Variants in CADM2 observed in about 807,000 individuals in gnomAD.
CADM2 encodes the protein immunoglobulin superfamily member 4D.
In CADM2, 12 loss-of-function variants were observed where a neutral mutation model predicts 49.8. That is an observed-to-expected ratio of 0.24 (90% confidence interval 0.15 to 0.39). The LOEUF (loss-of-function observed/expected upper bound fraction) is 0.39, where lower values mean the gene tolerates loss of function less well. Ranked by LOEUF, CADM2 falls within the 10% of genes least tolerant of loss-of-function variation. CADM2 has a pLI of 1.00. For missense variants in CADM2, 378 were observed against 492.3 expected (o/e 0.77, Z 2.20); for synonymous variants, 214 against 175.4 (o/e 1.22, Z -1.74).
intron 2 of CADM2, among the ~76,000 whole-genome samples, chr3:85,785,828 A>C (rs2070950246): frequency 6.6e-6 from 1 of 151,638 alleles, no homozygotes; most frequent in African/African-American, 2.4e-5. Flanking sequence ...GTACAACTAA[A>C]TCTAATCAAT....
intron 1 of CADM2, among the ~76,000 whole-genome samples, chr3:85,463,811 T>G (rs746677651): frequency 4.6e-5 from 7 of 152,178 alleles, no homozygotes; most frequent in African/African-American, 1.7e-4. Context: ...CAAGGCTCTA[T>G]GCTACTAGAC....
intron 2 of CADM2, among the ~76,000 whole-genome samples, chr3:85,747,071 A>T (rs1163578805): frequency 6.6e-6 from 1 of 152,144 alleles, no homozygotes; most frequent in Admixed American, 6.6e-5. Context: ...TAAGAAAAAT[A>T]TGTAATAATA....
chr3:86,034,080 A>T (rs1455186836), intron 8 of CADM2, among the ~76,000 whole-genome samples: 1 of 151,790 alleles, frequency 6.6e-6, no homozygotes, highest in Non-Finnish European at 1.5e-5. Flanking sequence ...GTTTACAGAG[A>T]TTAAAAATAA....
chr3:86,045,650 T>A (rs1046129835), intron 8 of CADM2, among the ~76,000 whole-genome samples: 6 of 152,162 alleles, frequency 3.9e-5, no homozygotes, highest in Non-Finnish European at 5.9e-5. Flanking sequence ...CTTTCTTTTT[T>A]GATATGTCTA....
intron 1 of CADM2, among the ~76,000 whole-genome samples, chr3:85,521,285 C>G (rs1254109428): frequency 6.6e-6 from 1 of 152,064 alleles, no homozygotes; most frequent in African/African-American, 2.4e-5. Context: ...TTAGGCAAAT[C>G]CATTATATAA....
chr3:85,673,551 C>A (rs1209328397), intron 1 of CADM2, among the ~76,000 whole-genome samples: 1 of 149,446 alleles, frequency 6.7e-6, no homozygotes, highest in African/African-American at 2.5e-5. Flanking sequence ...AGGGGAAGTA[C>A]CTAAAAAAAC....
intron 1 of CADM2, among the ~76,000 whole-genome samples, chr3:85,404,217 C>T (rs2035261902): frequency 6.6e-6 from 1 of 152,032 alleles, no homozygotes; most frequent in Non-Finnish European, 1.5e-5. Flanking sequence ...CAATGCAGAC[C>T]ATCATCCCAC....
At chr3:85,045,323 T>G (rs997929103) in intron 1 of CADM2, among the ~76,000 whole-genome samples, 1 of 152,114 alleles carries the variant, frequency 6.6e-6, no homozygotes, top group African/African-American at 2.4e-5. Context: ...AAAATACAAA[T>G]TTAACAGTAG....
intron 1 of CADM2, among the ~76,000 whole-genome samples, chr3:85,147,275 C>CAAAAAAAAAAAAAAAAAAA (rs759888985): frequency 2.2e-5 from 1 of 46,000 alleles, no homozygotes; most frequent in African/African-American, 5.0e-5. Context: ...GACTCTGTCT[C>CAAAAAAAAAAAAAAAAAAA]AAAAAAAAAA....
At chr3:85,312,930 A>G (rs564753652) in intron 1 of CADM2, among the ~76,000 whole-genome samples, 1 of 152,258 alleles carries the variant, frequency 6.6e-6, no homozygotes, top group East Asian at 1.9e-4. Flanking sequence ...TTCCTATAGG[A>G]GGAAGACTTA....
At chr3:85,856,910 C>T (rs1460080013) in intron 3 of CADM2, among the ~76,000 whole-genome samples, 1 of 152,100 alleles carries the variant, frequency 6.6e-6, no homozygotes, top group Non-Finnish European at 1.5e-5. Flanking sequence ...GTGAGATAAA[C>T]CATGCAAAAC....
intron 1 of CADM2, among the ~76,000 whole-genome samples, chr3:85,609,303 C>G (rs933675156): frequency 3.3e-5 from 5 of 152,140 alleles, no homozygotes; most frequent in Admixed American, 2.0e-4. Flanking sequence ...TATTCCTGGA[C>G]CTATATTAAC....
chr3:85,008,892 T>C (rs1314739524), intron 1 of CADM2, among the ~76,000 whole-genome samples: 1 of 152,196 alleles, frequency 6.6e-6, no homozygotes, highest in African/African-American at 2.4e-5. Flanking sequence ...TGACGGATAC[T>C]AAATGAAATC....
intron 1 of CADM2, among the ~76,000 whole-genome samples, chr3:84,960,865 G>A (rs2030442546): frequency 6.6e-6 from 1 of 152,110 alleles, no homozygotes; most frequent in Admixed American, 6.6e-5. Context: ...AGGCAGGGGC[G>A]GCGTGCTAGG....
chr3:85,527,308 A>C (rs66505109), intron 1 of CADM2, among the ~76,000 whole-genome samples: 76,285 of 149,302 alleles, frequency 0.51, 22,528 homozygotes, highest in East Asian at 0.85. Context: ...CTTATTTGAG[A>C]CCAGGAGTTG....
chr3:85,610,680 G>T (rs1002546412), intron 1 of CADM2, among the ~76,000 whole-genome samples: 1 of 151,892 alleles, frequency 6.6e-6, no homozygotes, highest in Non-Finnish European at 1.5e-5. Flanking sequence ...TACTGACTAT[G>T]CTCTTAACCA....
intron 1 of CADM2, among the ~76,000 whole-genome samples, chr3:85,670,516 C>A (rs1037029088): frequency 6.6e-6 from 1 of 152,116 alleles, no homozygotes; most frequent in Non-Finnish European, 1.5e-5. Flanking sequence ...TTACTAAGAC[C>A]TGTCCATCCA....
intron 1 of CADM2, among the ~76,000 whole-genome samples, chr3:85,437,977 G>A (rs909783871): frequency 6.6e-6 from 1 of 151,902 alleles, no homozygotes; most frequent in African/African-American, 2.4e-5. Context: ...ATTGTGCAAA[G>A]TATTAACAAC....
intron 1 of CADM2, among the ~76,000 whole-genome samples, chr3:85,026,718 C>G (rs1325492753): frequency 6.6e-6 from 1 of 152,180 alleles, no homozygotes; most frequent in African/African-American, 2.4e-5. Flanking sequence ...TAGAAGTTAC[C>G]CAGAGGGAAA....
Sources: allele counts gnomAD v4.1 joint callset (sites outside exome capture counted in the v4.1 genomes callset), GRCh38; gene constraint gnomAD v4.1.1; transcripts MANE v1.5; gene names NCBI Gene and HGNC (gene_info 2026-07-23, HGNC 2026-07-21).